Variants in EHBP1 observed in about 807,000 individuals in gnomAD.
The protein encoded by EHBP1 is EH domain-binding protein 1.
A neutral mutation model predicts 144.0 loss-of-function variants in EHBP1; 55 were observed. The observed-to-expected ratio is 0.38, with a 90% CI of 0.31 to 0.48. EHBP1 has a LOEUF of 0.48. EHBP1 is among the 20% of genes least tolerant of loss of function. The probability of loss-of-function intolerance (pLI) is 0.98; values close to 1 mark genes in which losing one functional copy is unlikely to be tolerated. For missense variants in EHBP1, 1,200 were observed against 1,364.2 expected (o/e 0.88, Z 1.90); for synonymous variants, 469 against 472.7 (o/e 0.99, Z 0.10).
At chr2:62,752,737 C>T (rs1381092296) in intron 3 of EHBP1, among the ~76,000 whole-genome samples, 1 of 151,968 alleles carries the variant, frequency 6.6e-6, no homozygotes, top group Non-Finnish European at 1.5e-5. Flanking sequence ...TATGTAATGG[C>T]CTTCTTTGTC....
At chr2:63,030,208 C>A (rs1409649624) in intron 19 of EHBP1, among the ~76,000 whole-genome samples, 1 of 152,130 alleles carries the variant, frequency 6.6e-6, no homozygotes, top group East Asian at 1.9e-4. Context: ...AGTAAACATT[C>A]ATAATATGCT....
At chr2:62,829,132 A>G (rs1041513041) in intron 6 of EHBP1, among the ~76,000 whole-genome samples, 6 of 152,076 alleles carry the variant, frequency 3.9e-5, no homozygotes, top group East Asian at 3.8e-4. Context: ...AAGAAAAAAA[A>G]AAAAGAAAAG....
intron 5 of EHBP1, among the ~76,000 whole-genome samples, chr2:62,774,445 T>A (rs1192399522): frequency 6.6e-6 from 1 of 151,708 alleles, no homozygotes; most frequent in Non-Finnish European, 1.5e-5. Context: ...TAAACCAAAA[T>A]TTGATATAAG....
At chr2:62,840,597 A>G (rs1277934859) in intron 7 of EHBP1, among the ~76,000 whole-genome samples, 3 of 151,872 alleles carry the variant, frequency 2.0e-5, no homozygotes, top group African/African-American at 4.8e-5. Flanking sequence ...TCATCTGACA[A>G]AGGGCTAATA....
At chr2:62,798,375 A>C (rs1365307048) in intron 5 of EHBP1, among the ~76,000 whole-genome samples, 1 of 152,092 alleles carries the variant, frequency 6.6e-6, no homozygotes, top group Non-Finnish European at 1.5e-5. Context: ...CAAAAAAAAA[A>C]AAAGAAAGAA....
At chr2:62,896,753 C>T (rs2052972909) in intron 10 of EHBP1, among the ~76,000 whole-genome samples, 1 of 151,904 alleles carries the variant, frequency 6.6e-6, no homozygotes, top group African/African-American at 2.4e-5. Flanking sequence ...TTCTCTGCCC[C>T]CGCTACTGAA....
chr2:62,690,741 A>G (rs1333319374), intron 1 of EHBP1, among the ~76,000 whole-genome samples: 1 of 152,146 alleles, frequency 6.6e-6, no homozygotes, highest in Non-Finnish European at 1.5e-5. Context: ...TTAACTAACC[A>G]TATGGATTTA....
At chr2:62,938,765 A>G (rs1295276792) in intron 10 of EHBP1, among the ~76,000 whole-genome samples, 2 of 152,056 alleles carry the variant, frequency 1.3e-5, no homozygotes, top group Non-Finnish European at 2.9e-5. Flanking sequence ...TAGAATATCT[A>G]GGTGTCAAGA....
intron 5 of EHBP1, among the ~76,000 whole-genome samples, chr2:62,819,449 CA>C (rs1277485199): frequency 1.3e-5 from 2 of 152,134 alleles, no homozygotes; most frequent in East Asian, 3.8e-4. Flanking sequence ...ATATTTGTAA[CA>C]GCTTTGTTAA....
chr2:63,042,460 A>G (rs566515591), intron 21 of EHBP1, among the ~76,000 whole-genome samples: 1 of 152,226 alleles, frequency 6.6e-6, no homozygotes, highest in Admixed American at 6.5e-5. Context: ...AATATTTTGT[A>G]GACAGATATT....
intron 6 of EHBP1, among the ~76,000 whole-genome samples, chr2:62,829,408 C>A (rs185134642): frequency 4.6e-5 from 7 of 151,746 alleles, no homozygotes; most frequent in Non-Finnish European, 1.0e-4. Context: ...TACTCTTAGG[C>A]CTTTGCATCC....
At chr2:62,854,992 T>C (rs1004567205) in intron 7 of EHBP1, among the ~76,000 whole-genome samples, 1 of 152,136 alleles carries the variant, frequency 6.6e-6, no homozygotes, top group East Asian at 1.9e-4. Context: ...CCCTCCTGGG[T>C]GCAGCTTCAG....
chr2:63,032,172 G>A (rs943565506), intron 19 of EHBP1, among the ~76,000 whole-genome samples: 4 of 150,236 alleles, frequency 2.7e-5, no homozygotes, highest in Non-Finnish European at 5.9e-5. Context: ...CAACATGGCA[G>A]ATGTATACAT....
chr2:62,880,056 C>T (rs1282104388), intron 10 of EHBP1, among the ~76,000 whole-genome samples: 1 of 152,048 alleles, frequency 6.6e-6, no homozygotes, highest in Non-Finnish European at 1.5e-5. Flanking sequence ...AGAAATAAAG[C>T]CACACAACTA....
intron 19 of EHBP1, among the ~76,000 whole-genome samples, chr2:62,998,979 T>C (rs1327302608): frequency 1.3e-5 from 2 of 152,226 alleles, no homozygotes; most frequent in African/African-American, 4.8e-5. Context: ...CATCCTTTTC[T>C]CTTTTGGGTT....
intron 1 of EHBP1, among the ~76,000 whole-genome samples, chr2:62,680,546 T>C (rs1370099568): frequency 6.6e-6 from 1 of 152,176 alleles, no homozygotes; most frequent in Non-Finnish European, 1.5e-5. Context: ...TTAAAAATTA[T>C]TGTTGCATTG....
At chr2:62,964,369 T>C (rs1452345575) in intron 14 of EHBP1, among the ~76,000 whole-genome samples, 5 of 152,234 alleles carry the variant, frequency 3.3e-5, no homozygotes, top group Non-Finnish European at 7.3e-5. Context: ...TTCAGTGCCG[T>C]GTTGAACATC....
At chr2:62,847,284 C>G (rs1453020242) in intron 7 of EHBP1, among the ~76,000 whole-genome samples, 1 of 152,124 alleles carries the variant, frequency 6.6e-6, no homozygotes, top group Non-Finnish European at 1.5e-5. Context: ...CAACCCCCAC[C>G]TCTCCACATA....
intron 7 of EHBP1, among the ~76,000 whole-genome samples, chr2:62,846,822 A>T (rs1311786790): frequency 6.6e-6 from 1 of 152,220 alleles, no homozygotes; most frequent in Non-Finnish European, 1.5e-5. Context: ...TACTGAAAGT[A>T]ATTAAAGAAG....
Sources: allele counts gnomAD v4.1 joint callset (sites outside exome capture counted in the v4.1 genomes callset), GRCh38; gene constraint gnomAD v4.1.1; transcripts MANE v1.5; gene names NCBI Gene and HGNC (gene_info 2026-07-23, HGNC 2026-07-21).